Variants in PTCH1 observed in about 807,000 individuals in gnomAD.
PTCH1 encodes protein patched homolog 1.
Under a neutral mutation model 144.6 loss-of-function variants are expected in PTCH1, and 14 were observed. The observed-to-expected ratio is 0.10, with a 90% CI of 0.06 to 0.15. The LOEUF (loss-of-function observed/expected upper bound fraction) is 0.15. PTCH1 is among the 10% of genes least tolerant of loss of function. The pLI is 1.00. For synonymous variants in PTCH1, 833 were observed against 793.6 expected, an observed-to-expected ratio of 1.05 and a Z score of -0.83; for missense variants, 1,623 against 1,948.3, an observed-to-expected ratio of 0.83 and a Z score of 3.14.
chr9:95,516,525 G>A, exon 1 of PTCH1: 4 of 1,542,010 alleles, frequency 2.6e-6, no homozygotes, highest in Non-Finnish European at 3.5e-6. Flanking sequence ...CGGACGCTGG[G>A]CTTGGATTTC....
intron 3 of PTCH1, chr9:95,482,608 G>C (rs1030803243): frequency 6.9e-6 from 2 of 291,330 alleles, no homozygotes; most frequent in South Asian, 3.5e-5. Flanking sequence ...CTCAGGTGCG[G>C]AGATGTTTTA....
intron 13 of PTCH1, among the ~76,000 whole-genome samples, chr9:95,469,367 G>A (rs1310385034): frequency 6.6e-6 from 1 of 152,190 alleles, no homozygotes; most frequent in Non-Finnish European, 1.5e-5. Flanking sequence ...GTCTGAGGAG[G>A]CCACATGGAG....
At chr9:95,483,516 G>A (rs1841735193) in intron 3 of PTCH1, 1 of 151,798 alleles carries the variant, frequency 6.6e-6, no homozygotes, top group Non-Finnish European at 1.5e-5. Context: ...AGCTTACTGT[G>A]TCCTCTTCCC....
At chr9:95,456,578 C>T (rs1838950551) in intron 18 of PTCH1, among the ~76,000 whole-genome samples, 165 bp from the exon 19 acceptor site, 1 of 152,204 alleles carries the variant, frequency 6.6e-6, no homozygotes, top group Non-Finnish European at 1.5e-5. Flanking sequence ...ATTCATCTTC[C>T]CGCTGGGAAG....
rs781062564 is a variant in PTCH1, at chr9:95,449,244, G to A, written c.3629C>T (p.Pro1210Leu). 176 of 1,580,846 alleles carry A rather than the reference G, an allele frequency of 1.1e-4. No individual in the cohort carries two copies. The highest frequency in any genetic ancestry group is 1.4e-4 in the Non-Finnish European group (162 of 1,163,326). Residue 1210 changes from proline to leucine, a missense_variant, in exon 22 of 24, where the codon CCG becomes CTG. Pro to Leu is a moderately conservative substitution (Grantham distance 98). Transcript: ENST00000331920. The surrounding 1 kb of genome is among the most constrained non-coding windows in gnomAD (Gnocchi z 5.3). ...AGACCCGCTGTGCGTGTGGCCGGGC[G>A]GCATGGCGAAGCGGACCACGCTGGG... is the stretch of plus-strand genomic sequence containing the variant. ...PPPSVVRFAM[P>L]PGHTHSGSDS...
At chr9:95,479,900 G>C (rs2118382768) in intron 7 of PTCH1, 69 bp downstream of exon 7, 1 of 1,609,072 alleles carries the variant, frequency 6.2e-7, no homozygotes, top group Non-Finnish European at 8.5e-7. Context: ...GCCGATGTCA[G>C]GAGGGAAGTG....
intron 15 of PTCH1, among the ~76,000 whole-genome samples, chr9:95,463,335 T>C (rs1023322214): frequency 1.3e-5 from 2 of 151,224 alleles, no homozygotes; most frequent in Admixed American, 6.6e-5. Context: ...GTGGGCTCGG[T>C]GGTGAAAGGA....
intron 1 of PTCH1, among the ~76,000 whole-genome samples, chr9:95,516,245 C>G (rs1236750693): frequency 1.3e-5 from 2 of 148,240 alleles, no homozygotes; most frequent in East Asian, 3.9e-4. Context: ...CCCGGGCGTG[C>G]GAGCGAGCGT....
At chr9:95,507,914 A>ACACACG (rs1400304421) in intron 1 of PTCH1, 14 of 1,380,624 alleles carry the variant, frequency 1.0e-5, no homozygotes, top group African/African-American at 4.4e-5. Context: ...ATACACACAC[A>ACACACG]CACACGCACA....
At chr9:95,479,764 C>T in intron 7 of PTCH1, 1 of 746,890 alleles carries the variant, frequency 1.3e-6, no homozygotes, top group Non-Finnish European at 2.2e-6. Flanking sequence ...AACTACAAAT[C>T]CATTCTTGAA....
At chr9:95,490,519 T>TCACACACATACACA (rs536111739) in intron 2 of PTCH1, among the ~76,000 whole-genome samples, 2 of 119,830 alleles carry the variant, frequency 1.7e-5, no homozygotes, top group African/African-American at 6.8e-5. Flanking sequence ...ACCTTCTATG[T>TCACACACATACACA]GACACACACA....
intron 7 of PTCH1, 106 bp downstream of exon 7, chr9:95,479,863 G>A (rs553881442): frequency 1.0e-5 from 16 of 1,561,766 alleles, no homozygotes; most frequent in East Asian, 9.0e-5. Flanking sequence ...CGAGGATAAC[G>A]GTTTAAGTAT....
chr9:95,444,529 C>CACACA lies in PTCH1; in HGVS notation c.*1863_*1864insTGTGT, dbSNP rs1837725593. The CACACA allele has an allele frequency of 1.4e-5, 2 of 147,024 alleles. No homozygotes were observed. The highest frequency in any genetic ancestry group is 1.3e-4 in the Admixed American group (2 of 14,964). 9.1% of individuals were successfully genotyped at this position (147,024 alleles called of 1,614,324 possible). On this transcript the variant is annotated 3_prime_UTR_variant, in exon 24 of 24. Coordinates refer to ENST00000331920, the MANE Select transcript of PTCH1 (RefSeq NM_000264.5). Reference sequence around the variant, plus strand: ...CGCACGCACACACACACACACACACCCAGCAGCCACAAGCGGCTCCCAATC... The same window carrying CACACA: ...CGCACGCACACACACACACACACACCACACACAGCAGCCACAAGCGGCTCCCAATC...
intron 2 of PTCH1, chr9:95,503,171 C>T (rs546641773): frequency 4.6e-5 from 7 of 152,316 alleles, no homozygotes; most frequent in African/African-American, 1.4e-4. Context: ...TATAAAAATT[C>T]ATGTCTAGAA....
rs753002023 is a variant in PTCH1, at chr9:95,469,012, C to G, written c.1989G>C (p.Gln663His). 62 of 1,613,902 alleles carry G rather than the reference C, an allele frequency of 3.8e-5. No homozygotes were observed. In the Admixed American group the frequency reaches 1.0e-3, roughly 26 times the overall value. The change falls in exon 14 of 24, where the codon CAG (glutamine) becomes CAC (histidine). Residue 663 changes from glutamine (Q) to histidine (H), a missense_variant. Gln to His is a conservative substitution (Grantham distance 24). Transcript: ENST00000331920. ...TGTGGGGGTCGTACTCCGTGCGGAG[C>G]TGGACAGTGGACTGCATGGTAATCT... ...ETQITMQSTV[Q>H]LRTEYDPHTH...
intron 13 of PTCH1, 132 bp downstream of exon 13, chr9:95,469,681 C>G: frequency 1.1e-6 from 1 of 930,942 alleles, no homozygotes; most frequent in Non-Finnish European, 1.8e-6. Flanking sequence ...TCTGTCCAAT[C>G]TCTCCCCTAC....
At position 95,467,279 on chromosome 9, in the gene PTCH1, A is replaced by G. The variant is rs1588568996; in HGVS notation, c.2397T>C (p.Ser799=). 2.5e-6 allele frequency: 4 copies of G among 1,614,256 alleles called. No homozygotes were observed. Among genetic ancestry groups the G allele is most frequent in the Non-Finnish European group, 3.4e-6 (4 of 1,180,038 alleles). The change falls in exon 15 of 24, where the codon TCT becomes TCC. Residue 799 remains serine, a synonymous_variant. Coordinates refer to ENST00000331920, the MANE Select transcript of PTCH1 (RefSeq NM_000264.5). ...GGGTGACTATATACATGTTGTAGAA[A>G]GAAAAGTATTTGAATTGTGCAGCAA... ...DFIAAQFKYF[S]FYNMYIVTQK...
intron 2 of PTCH1, chr9:95,506,156 C>T (rs1369578707): frequency 3.5e-6 from 1 of 284,888 alleles, no homozygotes; most frequent in Non-Finnish European, 6.4e-6. Flanking sequence ...GGGCCCCGCG[C>T]CCCCGTCCCG....
chr9:95,513,913 GCTC>G (rs1265034736), upstream of PTCH1: 1 of 152,104 alleles, frequency 6.6e-6, no homozygotes, highest in Non-Finnish European at 1.5e-5. Context: ...ATGGGAAGCT[GCTC>G]CTAACTCCAC....
Sources: gnomAD v4.1 joint callset for allele counts (sites outside exome capture counted in the v4.1 genomes callset) on GRCh38, gnomAD v4.1.1 for gene constraint, Gnocchi (gnomAD v3.1) non-coding constraint, MANE v1.5 for transcripts, NCBI Gene and HGNC (gene_info 2026-07-23, HGNC 2026-07-21) for gene names.